The following SANBR variants were observed in gnomAD, a reference collection of about 807,000 sequenced individuals.
SANBR encodes SANT and BTB domain regulator of class switch recombination.
SANBR carries 77 observed loss-of-function variants against 101.8 expected under a neutral mutation model. That is an observed-to-expected ratio of 0.76 (90% CI 0.63 to 0.91). The LOEUF (loss-of-function observed/expected upper bound fraction) is 0.91. Ranked by LOEUF, SANBR falls within the 40% of genes least tolerant of loss-of-function variation. The probability of loss-of-function intolerance (pLI) is 0.00; values close to 1 mark genes in which losing one functional copy is unlikely to be tolerated. For synonymous variants in SANBR, 279 were observed against 274.7 expected (o/e 1.02, Z -0.15); for missense variants, 875 against 853.0 (o/e 1.03, Z -0.32).
At chr2:61,119,918 C>T (rs1006464172) in intron 20 of SANBR, among the ~76,000 whole-genome samples, 9 of 152,124 alleles carry the variant, frequency 5.9e-5, no homozygotes, top group South Asian at 4.1e-4. Context: ...GCCAAGAGCA[C>T]GCCACTACAC....
chr2:61,117,410 C>T lies in SANBR; in HGVS notation c.1865+25C>T, dbSNP rs764300866. ...TGTGAGTATTGCTCCTTAATCCAAT[C>T]GGATATCCACTCTTAAAGAAGCATC... On this transcript the variant is annotated intron_variant, in intron 18 of 21. Transcript: ENST00000402291. The T allele has an allele frequency of 8.1e-6, 13 of 1,612,706 alleles. No homozygotes were observed. The East Asian group carries it at 1.8e-4, about 22-fold the overall frequency.
chr2:61,112,846 C>G (rs1255254459), intron 16 of SANBR, among the ~76,000 whole-genome samples: 1 of 152,146 alleles, frequency 6.6e-6, no homozygotes, highest in Non-Finnish European at 1.5e-5. Flanking sequence ...TTTGTGAATT[C>G]TAATTTTTTA....
intron 13 of SANBR, among the ~76,000 whole-genome samples, chr2:61,105,996 T>C (rs960520483): frequency 6.6e-6 from 1 of 152,100 alleles, no homozygotes; most frequent in African/African-American, 2.4e-5. Context: ...CAGTACCAAT[T>C]ATAGCAGCCC....
intron 8 of SANBR, among the ~76,000 whole-genome samples, chr2:61,086,336 TA>T (rs1300387770): frequency 6.6e-6 from 1 of 151,788 alleles, no homozygotes; most frequent in Non-Finnish European, 1.5e-5. Context: ...ACCTCTTTTT[TA>T]AATTAAATTT....
chr2:61,068,095 G>A (rs1681274665), intron 1 of SANBR, among the ~76,000 whole-genome samples: 1 of 152,168 alleles, frequency 6.6e-6, no homozygotes, highest in African/African-American at 2.4e-5. Context: ...GGGAATCAAA[G>A]ATAGAAGGCC....
rs369817534 is a variant in SANBR, at chr2:61,092,593, ATT to A, written c.1212+16_1212+17del. 1.6e-5 allele frequency: 22 copies of A among 1,374,386 alleles called. No individual in the cohort carries two copies. The highest frequency in any genetic ancestry group is 5.4e-5 in the East Asian group (2 of 37,168). The allele number at this position is 1,374,386 out of a possible 1,614,324, so 85.1% of individuals were successfully genotyped here. A position where few individuals can be genotyped will look rare whatever the true frequency, so the allele number is the denominator to read the frequency against. On this transcript the variant is annotated splice_region_variant and intron_variant, in intron 11 of 21. Coordinates refer to ENST00000402291, the MANE Select transcript of SANBR (RefSeq NM_001129993.3). ...CTTGTTCAAGATGTTATCAGGTAAG[ATT>A]TTTTTTTTTAAATATCCTGCTCTGC... is the stretch of plus-strand genomic sequence containing the variant.
At chr2:61,132,584 G>A (rs920067824) in intron 20 of SANBR, among the ~76,000 whole-genome samples, 11 of 152,274 alleles carry the variant, frequency 7.2e-5, no homozygotes, top group African/African-American at 2.2e-4. Flanking sequence ...GTAAAATAAT[G>A]CAGCCACTTT....
In SANBR at chr2:61,070,605, A is replaced by C; in HGVS notation, c.150+105A>C. Reference sequence around the variant, plus strand: ...AAAATATTTGAGTTTTACATATTCAAATGCATGTATTAACACTGAATAGAC... The same window carrying C: ...AAAATATTTGAGTTTTACATATTCACATGCATGTATTAACACTGAATAGAC... On this transcript the variant is annotated intron_variant, in intron 3 of 21. Transcript: ENST00000402291. 26 of 989,434 alleles carry C rather than the reference A, an allele frequency of 2.6e-5. No homozygotes were observed. The South Asian group carries it at 4.0e-4, about 15-fold the overall frequency. 61.3% of individuals were successfully genotyped at this position (989,434 alleles called of 1,614,324 possible). A position where few individuals can be genotyped will look rare whatever the true frequency, so the allele number is the denominator to read the frequency against.
intron 10 of SANBR, chr2:61,088,821 G>T: frequency 1.0e-6 from 1 of 972,344 alleles, no homozygotes; most frequent in African/African-American, 1.8e-5. Context: ...TCCCAGCCCA[G>T]ATTTTTTTTA....
chr2:61,097,927 TCAAAC>T, intron 12 of SANBR, 75 bp downstream of exon 12: 1 of 1,204,620 alleles, frequency 8.3e-7, no homozygotes, highest in Non-Finnish European at 1.2e-6. Context: ...ATAAAAGACT[TCAAAC>T]AATACATAAA....
At chr2:61,092,729 G>T in intron 11 of SANBR, 142 bp downstream of exon 11, 1 of 642,330 alleles carries the variant, frequency 1.6e-6, no homozygotes, top group East Asian at 3.3e-5. Flanking sequence ...AGCTGGGCAT[G>T]GTGGCTCGTG....
intron 15 of SANBR, 29 bp downstream of exon 15, chr2:61,108,378 TG>T: frequency 6.9e-7 from 1 of 1,459,286 alleles, no homozygotes; most frequent in East Asian, 2.4e-5. Flanking sequence ...TTAGCATTCA[TG>T]GATCTCTTTC....
intron 20 of SANBR, among the ~76,000 whole-genome samples, chr2:61,118,379 T>A (rs1157739933): frequency 6.6e-6 from 1 of 151,416 alleles, no homozygotes; most frequent in Non-Finnish European, 1.5e-5. Context: ...ATAGCTGGGT[T>A]ACAGGCATGC....
chr2:61,134,050 C>A, intron 20 of SANBR: 1 of 1,556,212 alleles, frequency 6.4e-7, no homozygotes, highest in Non-Finnish European at 8.8e-7. Context: ...CTAACAGCTA[C>A]ATCATTTTGT....
chr2:61,122,364 G>C lies in SANBR; in HGVS notation c.*202G>C, dbSNP rs1356486263. 8.0e-7 allele frequency: 1 copy of C among 1,251,392 alleles called. No homozygotes were observed. The highest frequency in any genetic ancestry group is 2.8e-5 in the East Asian group (1 of 35,110). 77.5% of individuals were successfully genotyped at this position (1,251,392 alleles called of 1,614,324 possible). On this transcript the variant is annotated 3_prime_UTR_variant, in exon 22 of 22. Coordinates refer to ENST00000402291, the MANE Select transcript of SANBR (RefSeq NM_001129993.3). Reference sequence around the variant, plus strand: ...TGTAAATATGAAACTTTTTAAATCTGATTTTCTTCTAATATCATTCTAGGC... The same window carrying C: ...TGTAAATATGAAACTTTTTAAATCTCATTTTCTTCTAATATCATTCTAGGC...
Position 61,124,216 on chromosome 2 carries a change from A to G in SANBR, c.*2054A>G. 1 of 974,310 alleles carries G rather than the reference A, an allele frequency of 1.0e-6. No individual in the cohort carries two copies. The allele number at this position is 974,310 out of a possible 1,614,324, so 60.4% of individuals were successfully genotyped here. A position where few individuals can be genotyped will look rare whatever the true frequency, so the allele number is the denominator to read the frequency against. ...AGCATTTCTTTCGCCAGATACTTTAATATTTCACCTTACATTAATCCTGGA... is the reference window on the plus strand; with the variant it reads ...AGCATTTCTTTCGCCAGATACTTTAGTATTTCACCTTACATTAATCCTGGA... On this transcript the variant is annotated 3_prime_UTR_variant, in exon 22 of 22. Transcript: ENST00000402291.
At chr2:61,068,521 G>GT (rs1681297320) in intron 1 of SANBR, among the ~76,000 whole-genome samples, 1 of 152,152 alleles carries the variant, frequency 6.6e-6, no homozygotes, top group South Asian at 2.1e-4. Context: ...AATCCTCACC[G>GT]TAACTCCAAA....
At chr2:61,103,137 CTTTTTT>C (rs398060223) in intron 12 of SANBR, among the ~76,000 whole-genome samples, 3 of 134,950 alleles carry the variant, frequency 2.2e-5, no homozygotes, top group African/African-American at 8.2e-5. Flanking sequence ...ATTTTTCTTT[CTTTTTT>C]TTTTTTTTTT....
intron 16 of SANBR, among the ~76,000 whole-genome samples, chr2:61,114,706 A>G (rs541370791): frequency 1.2e-4 from 19 of 152,256 alleles, no homozygotes; most frequent in East Asian, 1.2e-3. Context: ...CCAGGCTTCA[A>G]TGCCGTGTCG....
Sources: allele counts gnomAD v4.1 joint callset (sites outside exome capture counted in the v4.1 genomes callset), GRCh38; gene constraint gnomAD v4.1.1; transcripts MANE v1.5; gene names NCBI Gene and HGNC (gene_info 2026-07-23, HGNC 2026-07-21).